SLC5A10: variants seen among roughly 807,000 people sequenced by gnomAD.
SLC5A10 encodes the protein sodium/mannose cotransporter SLC5A10.
SLC5A10 carries 55 observed loss-of-function variants against 68.9 expected under a neutral mutation model. The observed-to-expected ratio is 0.80, with a 90% confidence interval of 0.64 to 1.00. The LOEUF (loss-of-function observed/expected upper bound fraction) is 1.00. SLC5A10 is among the 50% of genes least tolerant of loss of function. The pLI is 0.00. For synonymous variants in SLC5A10, 344 were observed against 344.8 expected, an observed-to-expected ratio of 1.00 and a Z score of 0.02; for missense variants, 732 against 819.3, an observed-to-expected ratio of 0.89 and a Z score of 1.30.
At position 19,011,359 on chromosome 17, in the gene SLC5A10, A is replaced by G. The variant is rs1406172872; in HGVS notation, c.983-2051A>G. Among the ~76,000 whole-genome samples the G allele has an allele frequency of 2.0e-5, 3 of 152,218 alleles. No homozygotes were observed. The East Asian group carries it at 5.8e-4, about 29-fold the overall frequency. On this transcript the variant is annotated intron_variant, in intron 9 of 14. Coordinates refer to ENST00000395645, the MANE Select transcript of SLC5A10 (RefSeq NM_001042450.4). The stretch of plus-strand genomic sequence containing the variant: ...GAGGAGGGACTACGTCTGCAAAGGC[A>G]TGGAGGCGTCCAAGTGCTGGGTGTG...
intron 5 of SLC5A10, among the ~76,000 whole-genome samples, chr17:18,960,942 G>A (rs1402912628): frequency 3.9e-5 from 6 of 152,094 alleles, no homozygotes; most frequent in African/African-American, 7.2e-5. Flanking sequence ...GACGGTTCTC[G>A]GTCTGAGGTC....
rs963968095 is a variant in SLC5A10, at chr17:19,010,584, G to A, written c.983-2826G>A. The stretch of plus-strand genomic sequence containing the variant: ...TGGTCAAACCAGTGGGACTCGGGGC[G>A]GTTTCCCATGCCGAGAGCCTGGAAT... On this transcript the variant is annotated intron_variant, in intron 9 of 14. Transcript: ENST00000395645. Among the ~76,000 whole-genome samples the A allele has an allele frequency of 5.9e-5, 9 of 152,310 alleles. No homozygotes were observed. In the South Asian group the frequency reaches 1.9e-3, roughly 32 times the overall value.
Position 18,960,554 on chromosome 17 carries a change from A to T in SLC5A10, c.355A>T (p.Thr119Ser). The change falls in exon 5 of 15, where the codon ACC becomes TCC. Residue 119 changes from threonine to serine, a missense_variant. Coordinates refer to ENST00000395645, the MANE Select transcript of SLC5A10 (RefSeq NM_001042450.4). ...TACCCATGTGCCTTCCCAGATCGTC[A>T]CCTTACCTGAGTACATTCAGAAGCG... The part of the protein sequence containing the change: ...VPIYISSEIV[T>S]LPEYIQKRYG... 6.2e-7 allele frequency: 1 copy of T among 1,613,942 alleles called. No individual in the cohort carries two copies. The highest frequency in any genetic ancestry group is 1.1e-5 in the South Asian group (1 of 91,074).
intron 9 of SLC5A10, chr17:18,988,529 G>C (rs183499725): frequency 6.6e-7 from 1 of 1,513,218 alleles, no homozygotes; most frequent in East Asian, 2.3e-5. Flanking sequence ...TGCCCACTCT[G>C]GCCCTACTCC....
Position 19,003,656 on chromosome 17 carries a change from G to C in SLC5A10, c.983-9754G>C, listed in dbSNP as rs1426001076. 4 of 1,612,006 alleles carry C rather than the reference G, an allele frequency of 2.5e-6. No homozygotes were observed. The highest frequency in any genetic ancestry group is 3.4e-6 in the Non-Finnish European group (4 of 1,179,452). On this transcript the variant is annotated intron_variant, in intron 9 of 14. Coordinates refer to ENST00000395645, the MANE Select transcript of SLC5A10 (RefSeq NM_001042450.4). The surrounding 1 kb of genome is among the most constrained non-coding windows in gnomAD (Gnocchi z 4.5). ...GTCGGGCCAGCCCAGGTCCAGCTGCGGGATGGAGCGGTCCGACTTCTGGGG... is the reference window on the plus strand; with the variant it reads ...GTCGGGCCAGCCCAGGTCCAGCTGCCGGATGGAGCGGTCCGACTTCTGGGG...
At chr17:19,013,719 A>G (rs970088066) in intron 10 of SLC5A10, among the ~76,000 whole-genome samples, 8 of 140,166 alleles carry the variant, frequency 5.7e-5, no homozygotes, top group African/African-American at 2.2e-4. Context: ...CTGGGATTAA[A>G]CATAATGACA....
intron 1 of SLC5A10, among the ~76,000 whole-genome samples, chr17:18,955,957 G>A (rs1472403698): frequency 3.9e-5 from 6 of 152,204 alleles, no homozygotes; most frequent in African/African-American, 9.7e-5. Flanking sequence ...CACTTTGGGA[G>A]GCCGAGGTGG....
At position 19,020,330 on chromosome 17, in the gene SLC5A10, G is replaced by A. The variant is rs753670509; in HGVS notation, c.1690G>A (p.Gly564Ser). 24 of 1,614,140 alleles carry A rather than the reference G, an allele frequency of 1.5e-5. No homozygotes were observed. The highest frequency in any genetic ancestry group is 1.8e-5 in the Non-Finnish European group (21 of 1,180,020). Residue 564 changes from glycine (G) to serine (S), a missense_variant, in exon 15 of 15, where the codon GGC becomes AGC. By Grantham distance (56) the Gly-to-Ser change is moderately conservative. Transcript: ENST00000395645. Reference protein sequence around the residue: ...DVPLGTKAGDGQTPQKHAFWA... With the variant: ...DVPLGTKAGDSQTPQKHAFWA... ...CCTTCTGCAACCCCCTCCAGGTGAT[G>A]GCCAAACACCCCAGAAACACGCCTT...
chr17:18,964,100 C>G (rs1466398249), intron 5 of SLC5A10, among the ~76,000 whole-genome samples: 1 of 152,170 alleles, frequency 6.6e-6, no homozygotes, highest in Non-Finnish European at 1.5e-5. Flanking sequence ...CCACTCTCTC[C>G]ATCTTCACCC....
intron 7 of SLC5A10, chr17:18,969,623 T>C: frequency 1.9e-6 from 1 of 528,390 alleles, no homozygotes; most frequent in Non-Finnish European, 3.3e-6. Flanking sequence ...TGGTAGAGGC[T>C]ACCCACCCTG....
chr17:18,990,580 C>T (rs775233084), intron 9 of SLC5A10, among the ~76,000 whole-genome samples: 3 of 152,104 alleles, frequency 2.0e-5, no homozygotes, highest in Non-Finnish European at 2.9e-5. Flanking sequence ...CAGCAGGACC[C>T]GCACCATGTG....
In SLC5A10 at chr17:19,019,600, C is replaced by CG. The variant is rs756406957; in HGVS notation, c.1410+11dup. The CG allele has an allele frequency of 1.5e-4, 244 of 1,610,084 alleles. No individual in the cohort carries two copies. The highest frequency in any genetic ancestry group is 1.8e-4 in the Non-Finnish European group (216 of 1,179,604). On this transcript the variant is annotated intron_variant, in intron 12 of 14. Coordinates refer to ENST00000395645, the MANE Select transcript of SLC5A10 (RefSeq NM_001042450.4). ...GACGTGCCAACGAGCAGGTGGGCGTCGGCGGTCTGCTCTCCCTGGGGACGT... is the reference window on the plus strand; with the variant it reads ...GACGTGCCAACGAGCAGGTGGGCGTCGGGCGGTCTGCTCTCCCTGGGGACGT...
At position 19,022,379 on chromosome 17, in the gene SLC5A10, C is replaced by T. The variant is rs1287532003; in HGVS notation, c.*1948C>T. The T allele has an allele frequency of 2.0e-5, 8 of 393,788 alleles. No individual in the cohort carries two copies. Among genetic ancestry groups the T allele is most frequent in the Non-Finnish European group, 2.3e-5 (5 of 222,064 alleles). The allele number at this position is 393,788 out of a possible 1,614,324, so 24.4% of individuals were successfully genotyped here. ...CTACATAGAACACGGCTTTCCCAGCCGCCCAGCTGGGACAATAGGGCTGGT... is the reference window on the plus strand; with the variant it reads ...CTACATAGAACACGGCTTTCCCAGCTGCCCAGCTGGGACAATAGGGCTGGT... On this transcript the variant is annotated 3_prime_UTR_variant, in exon 15 of 15. Coordinates refer to ENST00000395645, the MANE Select transcript of SLC5A10 (RefSeq NM_001042450.4).
rs1567807821 is a variant in SLC5A10 at position 19,004,008 on chromosome 17, T to G, written c.983-9402T>G. The G allele has an allele frequency of 1.2e-6, 2 of 1,610,586 alleles. No homozygotes were observed. The highest frequency in any genetic ancestry group is 8.5e-7 in the Non-Finnish European group (1 of 1,178,684). On this transcript the variant is annotated intron_variant, in intron 9 of 14. Transcript: ENST00000395645. This position sits in a 1 kb window ranked among gnomAD's most constrained non-coding sequence, Gnocchi z 5.4. Reference sequence around the variant, plus strand: ...TCGCTGGAGCGCCAGTTCACATGGTTGTCGTCCAGACACTGCACCTGAGAG... The same window carrying G: ...TCGCTGGAGCGCCAGTTCACATGGTGGTCGTCCAGACACTGCACCTGAGAG...
chr17:18,951,936 C>T (rs1482101413), upstream of SLC5A10: 2 of 451,836 alleles, frequency 4.4e-6, no homozygotes, highest in African/African-American at 2.0e-5. Context: ...AAGCCCCCTC[C>T]GAGTTCAAGG....
chr17:19,019,229 AGGGAGCCACCAAAG>A (rs1334978509), intron 11 of SLC5A10, 180 bp from the exon 12 acceptor site: 1 of 630,646 alleles, frequency 1.6e-6, no homozygotes, highest in African/African-American at 1.8e-5. Flanking sequence ...TGCAGGATCC[AGGGAGCCACCAAAG>A]GGTTTGGAGC....
chr17:19,014,985 C>A, intron 10 of SLC5A10, 64 bp from the exon 11 acceptor site: 4 of 1,566,356 alleles, frequency 2.6e-6, no homozygotes, highest in Non-Finnish European at 8.7e-7. Flanking sequence ...AGAGCCCAGG[C>A]GGGAGGGGTT....
chr17:18,984,734 C>G (rs2043226658), intron 9 of SLC5A10, among the ~76,000 whole-genome samples: 1 of 152,252 alleles, frequency 6.6e-6, no homozygotes, highest in Admixed American at 6.5e-5. Flanking sequence ...GAGCATCCCT[C>G]CACACCCAGT....
intron 1 of SLC5A10, among the ~76,000 whole-genome samples, chr17:18,956,465 G>GTTTTTTTTTTTT (rs750867503): frequency 4.0e-4 from 39 of 97,988 alleles, no homozygotes; most frequent in South Asian, 1.1e-3. Flanking sequence ...TTTTCTTTCT[G>GTTTTTTTTTTTT]TTTTTTTTTT....
Sources: allele counts gnomAD v4.1 joint callset (sites outside exome capture counted in the v4.1 genomes callset), GRCh38; gene constraint gnomAD v4.1.1; non-coding constraint Gnocchi (gnomAD v3.1); transcripts MANE v1.5; gene names NCBI Gene and HGNC (gene_info 2026-07-23, HGNC 2026-07-21).